The following TYR variants were observed in gnomAD, a reference collection of about 807,000 sequenced individuals.
TYR encodes the protein tyrosinase.
Under a neutral mutation model 51.5 loss-of-function variants are expected in TYR, and 58 were observed. The observed-to-expected ratio is 1.13, with a 90% CI of 0.91 to 1.40. The LOEUF (loss-of-function observed/expected upper bound fraction) is 1.40. TYR is among the 40% of genes most tolerant of loss of function. TYR has a pLI of 0.00. For synonymous variants in TYR, 263 were observed against 235.2 expected (o/e 1.12, Z -1.08); for missense variants, 732 against 647.4 (o/e 1.13, Z -1.42).
chr11:89,287,985 T>C (rs1380779585), intron 4 of TYR, among the ~76,000 whole-genome samples: 1 of 151,956 alleles, frequency 6.6e-6, no homozygotes, highest in Non-Finnish European at 1.5e-5. Context: ...TTACGCTTTC[T>C]GGCCTGTGAA....
chr11:89,193,317 A>C (rs1252217811), intron 2 of TYR, among the ~76,000 whole-genome samples: 1 of 152,110 alleles, frequency 6.6e-6, no homozygotes, highest in African/African-American at 2.4e-5. Flanking sequence ...TCACTCGTCT[A>C]GGGTCTCAAG....
At chr11:89,264,807 G>T (rs1202839804) in intron 3 of TYR, among the ~76,000 whole-genome samples, 1 of 150,592 alleles carries the variant, frequency 6.6e-6, no homozygotes, top group Non-Finnish European at 1.5e-5. Context: ...GTTCTTTCAA[G>T]CCCTAATATT....
At position 89,210,745 on chromosome 11, in the gene TYR, C is replaced by T. The variant is rs564523856; in HGVS notation, c.1037-17078C>T. On this transcript the variant is annotated intron_variant, in intron 2 of 4. Transcript: ENST00000263321. ...AGGTTGGGTTACCCACAAAGGGAAGCCCATCAGACTAACAGCAGATCTCTC... is the reference window on the plus strand; with the variant it reads ...AGGTTGGGTTACCCACAAAGGGAAGTCCATCAGACTAACAGCAGATCTCTC... Among the ~76,000 whole-genome samples, 10 of 152,310 alleles carry T rather than the reference C, an allele frequency of 6.6e-5. No individual in the cohort carries two copies. The South Asian group carries it at 2.1e-3, about 32-fold the overall frequency.
At chr11:89,275,613 G>T (rs1304627369) in intron 3 of TYR, among the ~76,000 whole-genome samples, 6 of 151,856 alleles carry the variant, frequency 4.0e-5, no homozygotes, top group African/African-American at 1.4e-4. Context: ...GAGTTTAATT[G>T]AGCAAAGAAC....
chr11:89,212,863 GA>G (rs1261610111), intron 2 of TYR, among the ~76,000 whole-genome samples: 20 of 152,266 alleles, frequency 1.3e-4, no homozygotes, highest in African/African-American at 4.8e-4. Context: ...CATAGATGCA[GA>G]AAAGGCCTTC....
At chr11:89,252,198 TCCCTTGAGACGATCAGTA>T (rs149066343) in intron 3 of TYR, among the ~76,000 whole-genome samples, 2,983 of 151,908 alleles carry the variant, frequency 0.02, 118 homozygotes, top group African/African-American at 0.069. Context: ...ATCTGAAAAT[TCCCTTGAGACGATCAGTA>T]CCAAGCCAGA....
intron 3 of TYR, among the ~76,000 whole-genome samples, chr11:89,240,914 T>C (rs989263168): frequency 1.3e-5 from 2 of 152,204 alleles, no homozygotes; most frequent in African/African-American, 4.8e-5. Context: ...GACTCTAAGC[T>C]GTTCTCAGGT....
chr11:89,282,936 C>G (rs1432958062), intron 3 of TYR, among the ~76,000 whole-genome samples: 1 of 151,696 alleles, frequency 6.6e-6, no homozygotes, highest in Non-Finnish European at 1.5e-5. Flanking sequence ...TTTTATGTAC[C>G]ACTTAACTGT....
At chr11:89,256,330 A>G (rs1487391773) in intron 3 of TYR, among the ~76,000 whole-genome samples, 1 of 151,788 alleles carries the variant, frequency 6.6e-6, no homozygotes, top group Non-Finnish European at 1.5e-5. Flanking sequence ...CCTTCAATAT[A>G]TACTCTATAA....
chr11:89,191,357 C>G lies in TYR; in HGVS notation c.975C>G (p.Thr325=). The change falls in exon 2 of 5, where the codon ACC becomes ACG. Residue 325 remains threonine, a synonymous_variant. Coordinates refer to ENST00000263321, the MANE Select transcript of TYR (RefSeq NM_000372.5). The part of the protein sequence containing the change: ...SADVEFCLSL[T]QYESGSMDKA... ...ATGTAGAATTTTGCCTGAGTTTGAC[C>G]CAATATGAATCTGGTTCCATGGATA... The G allele has an allele frequency of 6.2e-7, 1 of 1,613,698 alleles. No homozygotes were observed. Among genetic ancestry groups the G allele is most frequent in the Non-Finnish European group, 8.5e-7 (1 of 1,179,754 alleles).
intron 1 of TYR, among the ~76,000 whole-genome samples, chr11:89,189,099 T>G (rs1943410539): frequency 6.6e-6 from 1 of 152,064 alleles, no homozygotes; most frequent in Non-Finnish European, 1.5e-5. Context: ...TTTTTAATGT[T>G]GAGTTCTGCT....
chr11:89,177,964 C>G lies in TYR; in HGVS notation c.11C>G (p.Ala4Gly). 6.2e-7 allele frequency: 1 copy of G among 1,614,100 alleles called. No homozygotes were observed. Among genetic ancestry groups the G allele is most frequent in the East Asian group, 2.2e-5 (1 of 44,872 alleles). ...AGGACTAGAGGAAGAATGCTCCTGGCTGTTTTGTACTGCCTGCTGTGGAGT... is the reference window on the plus strand; with the variant it reads ...AGGACTAGAGGAAGAATGCTCCTGGGTGTTTTGTACTGCCTGCTGTGGAGT... MLL[A>G]VLYCLLWSFQ... The change falls in exon 1 of 5, where the codon GCT (alanine) becomes GGT (glycine). Residue 4 changes from alanine to glycine, a missense_variant. Physicochemically the swap from Ala to Gly is moderately conservative, Grantham distance 60. Transcript: ENST00000263321.
rs202000018 is a variant in TYR, at chr11:89,266,786, GAAAC to G, written c.1185-17982_1185-17979del. 7.0e-3 allele frequency among the ~76,000 whole-genome samples: 1,066 copies of G among 151,958 alleles called. 13 individuals carry two copies. Among genetic ancestry groups the G allele is most frequent in the African/African-American group, 0.025 (1,036 of 41,502 alleles). On this transcript the variant is annotated intron_variant, in intron 3 of 4. Coordinates refer to ENST00000263321, the MANE Select transcript of TYR (RefSeq NM_000372.5). ...TTTCTCATTTTCTGAAGCAGAGGTGGAAACAAACCTTGCCTGTTCATATGCAGAT... is the reference window on the plus strand; with the variant it reads ...TTTCTCATTTTCTGAAGCAGAGGTGGAAACCTTGCCTGTTCATATGCAGAT...
At chr11:89,196,116 T>A (rs942525683) in intron 2 of TYR, among the ~76,000 whole-genome samples, 1 of 152,122 alleles carries the variant, frequency 6.6e-6, no homozygotes, top group African/African-American at 2.4e-5. Flanking sequence ...ACATGTAAGG[T>A]AGTTAGAACA....
intron 2 of TYR, among the ~76,000 whole-genome samples, chr11:89,193,081 T>C (rs1343423224): frequency 2.0e-5 from 3 of 152,146 alleles, no homozygotes; most frequent in African/African-American, 7.2e-5. Flanking sequence ...ATAACAAATC[T>C]AAGGTACACA....
intron 3 of TYR, among the ~76,000 whole-genome samples, chr11:89,252,838 G>A (rs1012063270): frequency 9.9e-5 from 15 of 151,724 alleles, no homozygotes; most frequent in East Asian, 1.9e-4. Context: ...GAAAAGGAAA[G>A]CAACATTCAG....
intron 1 of TYR, among the ~76,000 whole-genome samples, chr11:89,183,098 C>T (rs1349553691): frequency 1.3e-5 from 2 of 151,954 alleles, no homozygotes; most frequent in African/African-American, 4.8e-5. Context: ...ATTTTTTCCC[C>T]CAGATAAACC....
At chr11:89,238,573 T>A (rs1944151539) in intron 3 of TYR, among the ~76,000 whole-genome samples, 1 of 152,156 alleles carries the variant, frequency 6.6e-6, no homozygotes, top group Non-Finnish European at 1.5e-5. Context: ...TTTGGATACA[T>A]TTCATTTCTT....
At chr11:89,286,478 T>C (rs748254383) in intron 4 of TYR, among the ~76,000 whole-genome samples, 4 of 151,830 alleles carry the variant, frequency 2.6e-5, no homozygotes, top group African/African-American at 4.8e-5. Context: ...GAAGTAGGTA[T>C]CATTATTTCT....
Sources: gnomAD v4.1 joint callset for allele counts (sites outside exome capture counted in the v4.1 genomes callset) on GRCh38, gnomAD v4.1.1 for gene constraint, MANE v1.5 for transcripts, NCBI Gene and HGNC (gene_info 2026-07-23, HGNC 2026-07-21) for gene names.